The following EYS variants were observed in gnomAD, a reference collection of about 807,000 sequenced individuals.
EYS encodes the protein EGF-like photoreceptor maintenance factor.
EYS carries 250 observed loss-of-function variants against 282.1 expected under a neutral mutation model. That is an observed-to-expected ratio of 0.89 (90% CI 0.80 to 0.98). EYS has a LOEUF of 0.98. Ranked by LOEUF, EYS falls within the 50% of genes least tolerant of loss-of-function variation. The pLI, the probability that EYS is intolerant of heterozygous loss-of-function variation, is 0.00. For missense variants in EYS, 4,016 were observed against 3,709.0 expected (o/e 1.08, Z -2.15); for synonymous variants, 1,355 against 1,282.9 (o/e 1.06, Z -1.20).
At chr6:64,265,190 A>G (rs779782487) in intron 30 of EYS, among the ~76,000 whole-genome samples, 4 of 152,146 alleles carry the variant, frequency 2.6e-5, no homozygotes, top group Admixed American at 6.6e-5. Context: ...GATTGATAAC[A>G]GTATGCAATT....
chr6:65,120,151 CA>C lies in EYS; in HGVS notation c.2024-62425del, dbSNP rs1170415166. ...TGGGTGACAGAGCGAGACTCCGTCT[CA>C]AAAAAAAAAAAAAACAAAAACAAAT... is the stretch of plus-strand genomic sequence containing the variant. On this transcript the variant is annotated intron_variant, in intron 12 of 42. Coordinates refer to ENST00000503581, the MANE Select transcript of EYS (RefSeq NM_001142800.2). Among the ~76,000 whole-genome samples the C allele has an allele frequency of 1.3e-3, 83 of 62,562 alleles. 1 individual carries two copies. Among genetic ancestry groups the C allele is most frequent in the East Asian group, 7.9e-3 (17 of 2,146 alleles). 41.0% of individuals were successfully genotyped at this position (62,562 alleles called of 152,430 possible). A position where few individuals can be genotyped will look rare whatever the true frequency, so the allele number is the denominator to read the frequency against.
At chr6:65,333,740 T>C (rs985985063) in intron 11 of EYS, among the ~76,000 whole-genome samples, 1 of 151,628 alleles carries the variant, frequency 6.6e-6, no homozygotes, top group African/African-American at 2.4e-5. Context: ...CATATATATA[T>C]ACACACACAT....
intron 2 of EYS, among the ~76,000 whole-genome samples, chr6:65,534,906 A>G (rs1335166038): frequency 6.6e-6 from 1 of 152,146 alleles, no homozygotes; most frequent in Non-Finnish European, 1.5e-5. Context: ...CTGCTGCTGG[A>G]AAACACGATG....
intron 28 of EYS, among the ~76,000 whole-genome samples, chr6:64,431,326 C>T (rs1355847292): frequency 2.0e-5 from 3 of 152,042 alleles, no homozygotes; most frequent in African/African-American, 7.2e-5. Flanking sequence ...TTAAGGCCCA[C>T]CCTGATGAAT....
At chr6:63,909,772 C>A (rs1036298966) in intron 35 of EYS, among the ~76,000 whole-genome samples, 10 of 152,194 alleles carry the variant, frequency 6.6e-5, no homozygotes, top group African/African-American at 2.4e-4. Flanking sequence ...TCTGAGCCAC[C>A]CCCAGAAATT....
At chr6:65,153,356 A>T (rs1039993071) in intron 12 of EYS, among the ~76,000 whole-genome samples, 10 of 136,744 alleles carry the variant, frequency 7.3e-5, no homozygotes, top group African/African-American at 2.5e-4. Flanking sequence ...AAATTCAGAG[A>T]TCATAAATGT....
chr6:65,114,061 G>A (rs16880348), intron 12 of EYS, among the ~76,000 whole-genome samples: 39,766 of 151,514 alleles, frequency 0.26, 6,402 homozygotes, highest in African/African-American at 0.45. Flanking sequence ...ATAACAAAAC[G>A]TATGAGAAAC....
chr6:64,618,502 T>C (rs1197346363), intron 23 of EYS, among the ~76,000 whole-genome samples: 1 of 152,224 alleles, frequency 6.6e-6, no homozygotes, highest in African/African-American at 2.4e-5. Context: ...GCATTTAATC[T>C]GAACCCTGGC....
chr6:65,000,773 AT>A (rs1400079196), intron 13 of EYS, among the ~76,000 whole-genome samples: 3 of 152,236 alleles, frequency 2.0e-5, no homozygotes, highest in African/African-American at 7.2e-5. Context: ...GCAAGACTCC[AT>A]TAAAAAACAA....
intron 1 of EYS, among the ~76,000 whole-genome samples, chr6:65,686,801 A>G (rs1321119496): frequency 3.9e-5 from 6 of 152,052 alleles, no homozygotes; most frequent in African/African-American, 1.4e-4. Context: ...ATTATAACAC[A>G]TGAGGTGAGA....
At chr6:65,298,832 C>T (rs1475515504) in intron 11 of EYS, among the ~76,000 whole-genome samples, 2 of 151,034 alleles carry the variant, frequency 1.3e-5, no homozygotes, top group Non-Finnish European at 3.0e-5. Flanking sequence ...AGATACCAAT[C>T]CAAATTAGCA....
At chr6:64,815,239 T>TAAGAAAAACCAAGAGCC (rs1260289252) in intron 21 of EYS, 2 of 464,020 alleles carry the variant, frequency 4.3e-6, no homozygotes, top group Non-Finnish European at 8.7e-6. Context: ...GTGAACTTGT[T>TAAGAAAAACCAAGAGCC]AAGAAAAACC....
At chr6:64,297,693 T>C (rs556695612) in intron 30 of EYS, among the ~76,000 whole-genome samples, 4 of 151,994 alleles carry the variant, frequency 2.6e-5, no homozygotes, top group Admixed American at 6.6e-5. Flanking sequence ...AGAAGTTAGA[T>C]AGAGCTGGGT....
chr6:64,230,676 A>C lies in EYS; in HGVS notation c.6340T>G (p.Cys2114Gly). The change falls in exon 31 of 43, where the codon TGC (cysteine) becomes GGC (glycine). Residue 2114 changes from cysteine to glycine, a missense_variant. Physicochemically the swap from Cys to Gly is radical, Grantham distance 159. Transcript: ENST00000503581. Reference protein sequence around the residue: ...QQDVCHNGGTCHAIFLSSGIV... With the variant: ...QQDVCHNGGTGHAIFLSSGIV... ...CCACTGGAGAGGAAGATGGCATGGC[A>C]TGTGCCTCCATTGTGGCATACATCC... 4 of 1,551,588 alleles carry C rather than the reference A, an allele frequency of 2.6e-6. No homozygotes were observed. Among genetic ancestry groups the C allele is most frequent in the Non-Finnish European group, 3.5e-6 (4 of 1,146,904 alleles).
intron 35 of EYS, among the ~76,000 whole-genome samples, chr6:63,880,726 T>C (rs1323489916): frequency 6.6e-6 from 1 of 152,216 alleles, no homozygotes; most frequent in Non-Finnish European, 1.5e-5. Context: ...TTTTCTTTTT[T>C]AATCCTGAAA....
intron 24 of EYS, among the ~76,000 whole-genome samples, chr6:64,613,232 T>G (rs941751133): frequency 1.3e-5 from 2 of 152,120 alleles, no homozygotes; most frequent in African/African-American, 4.8e-5. Flanking sequence ...AGCCTTCTAG[T>G]AACTCTGAAA....
chr6:64,250,459 T>C (rs1767173632), intron 30 of EYS, among the ~76,000 whole-genome samples: 1 of 152,182 alleles, frequency 6.6e-6, no homozygotes, highest in African/African-American at 2.4e-5. Context: ...GCCTACTGCA[T>C]CAGGGGAATG....
At chr6:64,898,323 T>G (rs1252011779) in intron 18 of EYS, among the ~76,000 whole-genome samples, 2 of 152,152 alleles carry the variant, frequency 1.3e-5, no homozygotes, top group African/African-American at 4.8e-5. Flanking sequence ...AAAAGAATTT[T>G]CAACCCAGAA....
chr6:64,552,361 G>GA (rs1010466441), intron 26 of EYS, among the ~76,000 whole-genome samples: 3 of 152,124 alleles, frequency 2.0e-5, no homozygotes, highest in Non-Finnish European at 2.9e-5. Context: ...TCTTGTCGGG[G>GA]AAAATCTACA....
Sources: gnomAD v4.1 joint callset for allele counts (sites outside exome capture counted in the v4.1 genomes callset) on GRCh38, gnomAD v4.1.1 for gene constraint, MANE v1.5 for transcripts, NCBI Gene and HGNC (gene_info 2026-07-23, HGNC 2026-07-21) for gene names.